Variants in TTLL11 observed in about 807,000 individuals in gnomAD.
The protein encoded by TTLL11 is tubulin polyglutamylase TTLL11.
Under a neutral mutation model 51.7 loss-of-function variants are expected in TTLL11, and 42 were observed. The observed-to-expected ratio is 0.81, with a 90% CI of 0.64 to 1.05. The LOEUF is 1.05. Among genes scored for constraint, TTLL11 ranks in the 50% least tolerant of loss-of-function variants. TTLL11 has a pLI of 0.00. For missense variants in TTLL11, 799 were observed against 940.4 expected (o/e 0.85, Z 1.97); for synonymous variants, 381 against 383.5 (o/e 0.99, Z 0.08).
chr9:121,909,221 C>T (rs560648025), intron 6 of TTLL11, among the ~76,000 whole-genome samples: 2 of 152,308 alleles, frequency 1.3e-5, no homozygotes, highest in East Asian at 3.9e-4. Flanking sequence ...ACCAACTCAG[C>T]ATTCCACTGG....
At chr9:122,061,233 G>A (rs1845425322) in intron 1 of TTLL11, among the ~76,000 whole-genome samples, 1 of 152,144 alleles carries the variant, frequency 6.6e-6, no homozygotes, top group African/African-American at 2.4e-5. Context: ...AACCAGGATC[G>A]TCTCATCCCA....
intron 6 of TTLL11, among the ~76,000 whole-genome samples, chr9:121,966,142 C>G (rs918225946): frequency 3.9e-5 from 6 of 152,186 alleles, no homozygotes; most frequent in Non-Finnish European, 8.8e-5. Flanking sequence ...TGACTCCTCT[C>G]TTTACAGCAA....
intron 1 of TTLL11, among the ~76,000 whole-genome samples, chr9:122,061,053 C>T (rs1377829515): frequency 1.3e-5 from 2 of 152,174 alleles, no homozygotes; most frequent in African/African-American, 4.8e-5. Context: ...CATTCCATGC[C>T]TCTTCCTGGC....
chr9:121,862,859 G>C lies in TTLL11; in HGVS notation c.1734-2416C>G, dbSNP rs1360036993. On this transcript the variant is annotated intron_variant, in intron 7 of 8. Coordinates refer to ENST00000321582, the MANE Select transcript of TTLL11 (RefSeq NM_001139442.2). ...TCCCATTTGCCATTATCCCTTGTGT[G>C]AATAGCTCTGTTAGGGACCGGACAG... Among the ~76,000 whole-genome samples the C allele has an allele frequency of 2.0e-5, 3 of 152,204 alleles. No individual in the cohort carries two copies. In the East Asian group the frequency reaches 5.8e-4, roughly 29 times the overall value.
intron 6 of TTLL11, among the ~76,000 whole-genome samples, chr9:121,928,591 C>T (rs1486121962): frequency 2.6e-5 from 4 of 152,094 alleles, no homozygotes; most frequent in Admixed American, 6.5e-5. Flanking sequence ...CAGGTGCGCA[C>T]GACCACACCC....
chr9:122,016,831 C>T (rs1843999059), intron 3 of TTLL11, among the ~76,000 whole-genome samples: 1 of 152,072 alleles, frequency 6.6e-6, no homozygotes, highest in South Asian at 2.1e-4. Flanking sequence ...GTTTTGATAA[C>T]AAAACTGTAC....
intron 3 of TTLL11, among the ~76,000 whole-genome samples, chr9:121,999,436 C>T (rs1843395052): frequency 6.6e-6 from 1 of 152,144 alleles, no homozygotes; most frequent in Admixed American, 6.5e-5. Context: ...TACCACCATC[C>T]ATCCATGTCC....
chr9:121,919,523 A>C (rs1002736672), intron 6 of TTLL11, among the ~76,000 whole-genome samples: 9 of 152,234 alleles, frequency 5.9e-5, no homozygotes, highest in African/African-American at 1.9e-4. Flanking sequence ...CCTGAGAGTG[A>C]GGGCACAAAT....
intron 3 of TTLL11, among the ~76,000 whole-genome samples, chr9:122,001,169 C>T (rs779120751): frequency 2.0e-5 from 3 of 152,226 alleles, no homozygotes; most frequent in Non-Finnish European, 4.4e-5. Flanking sequence ...GATCTCGGCT[C>T]ATTGCAACTG....
intron 1 of TTLL11, among the ~76,000 whole-genome samples, chr9:122,088,907 G>C (rs1323771005): frequency 1.3e-5 from 2 of 151,634 alleles, no homozygotes; most frequent in Non-Finnish European, 2.9e-5. Flanking sequence ...TCAGGAGGCT[G>C]AGGCAGGAGA....
intron 1 of TTLL11, among the ~76,000 whole-genome samples, chr9:122,089,608 A>G (rs756560825): frequency 6.6e-6 from 1 of 152,214 alleles, no homozygotes; most frequent in Non-Finnish European, 1.5e-5. Flanking sequence ...GCTCTCTTGC[A>G]AATATTCCAT....
chr9:121,824,432 C>T (rs1374884798), intron 8 of TTLL11, among the ~76,000 whole-genome samples: 4 of 145,622 alleles, frequency 2.7e-5, no homozygotes, highest in Non-Finnish European at 4.5e-5. Context: ...GCCAAGATCA[C>T]GCCACTGCAC....
intron 8 of TTLL11, among the ~76,000 whole-genome samples, chr9:121,847,751 C>T (rs1837558687): frequency 6.6e-6 from 1 of 152,194 alleles, no homozygotes; most frequent in South Asian, 2.1e-4. Flanking sequence ...AAATTCTCTA[C>T]AATCTCTTTC....
chr9:121,936,690 G>A (rs1841237351), intron 6 of TTLL11, among the ~76,000 whole-genome samples: 4 of 152,098 alleles, frequency 2.6e-5, no homozygotes, highest in African/African-American at 7.2e-5. Context: ...AAAGCTTAAC[G>A]AAAAAAGCTA....
chr9:121,870,829 G>A (rs1838333938), intron 6 of TTLL11, 81 bp from the exon 7 acceptor site: 1 of 1,416,210 alleles, frequency 7.1e-7, no homozygotes, highest in Non-Finnish European at 9.4e-7. Context: ...CTCCTCGGGA[G>A]GCAGCATTAC....
In TTLL11 at chr9:122,056,406, T is replaced by A. The variant is rs74902836; in HGVS notation, c.463-17038A>T. 5.7e-3 allele frequency among the ~76,000 whole-genome samples: 861 copies of A among 152,274 alleles called. 12 individuals carry two copies. Among genetic ancestry groups the A allele is most frequent in the African/African-American group, 0.02 (836 of 41,544 alleles). ...TCAATTCACTCTCACAACAACACTA[T>A]GAAATAGGTAGATATATTATTTTCA... On this transcript the variant is annotated intron_variant, in intron 1 of 8. Coordinates refer to ENST00000321582, the MANE Select transcript of TTLL11 (RefSeq NM_001139442.2).
intron 6 of TTLL11, among the ~76,000 whole-genome samples, chr9:121,955,256 A>AT (rs1189130539): frequency 7.9e-5 from 12 of 152,344 alleles, no homozygotes; most frequent in Middle Eastern, 3.4e-3. Flanking sequence ...AAAAAATAAA[A>AT]TGCATATAGT....
intron 6 of TTLL11, among the ~76,000 whole-genome samples, chr9:121,900,665 T>C (rs1349158753): frequency 6.6e-6 from 1 of 152,322 alleles, no homozygotes; most frequent in African/African-American, 2.4e-5. Context: ...AATTCTTCCA[T>C]TGTGTTTCCC....
intron 8 of TTLL11, among the ~76,000 whole-genome samples, chr9:121,826,180 T>TA (rs1836747591): frequency 2.1e-4 from 3 of 14,628 alleles, no homozygotes; most frequent in African/African-American, 4.1e-4. Context: ...ATATAACCAG[T>TA]AACCTATATA....
Sources: allele counts gnomAD v4.1 joint callset (sites outside exome capture counted in the v4.1 genomes callset), GRCh38; gene constraint gnomAD v4.1.1; transcripts MANE v1.5; gene names NCBI Gene and HGNC (gene_info 2026-07-23, HGNC 2026-07-21).